Variants in TASP1 observed in about 807,000 individuals in gnomAD.
The protein encoded by TASP1 is taspase 1, also known as threonine aspartase 1.
Under a neutral mutation model 56.6 loss-of-function variants are expected in TASP1, and 16 were observed. The ratio of observed to expected loss-of-function variants is 0.28; its 90% confidence interval spans 0.19 to 0.43. The LOEUF is 0.43. Among genes scored for constraint, TASP1 ranks in the 20% least tolerant of loss-of-function variants. The pLI is 1.00. For missense variants in TASP1, 393 were observed against 511.6 expected, an observed-to-expected ratio of 0.77 and a Z score of 2.24; for synonymous variants, 179 against 184.2, an observed-to-expected ratio of 0.97 and a Z score of 0.23.
chr20:13,523,470 G>A (rs956103069), intron 10 of TASP1, among the ~76,000 whole-genome samples: 4 of 152,140 alleles, frequency 2.6e-5, no homozygotes, highest in Non-Finnish European at 2.9e-5. Flanking sequence ...CTCTGGGCAC[G>A]AGTTTTCTAA....
chr20:13,190,268 G>A, the TASP1 span, among the ~76,000 whole-genome samples: 9 of 152,072 alleles, frequency 5.9e-5, no homozygotes, highest in African/African-American at 2.2e-4. Flanking sequence ...ACCTGCATGT[G>A]TATCCCTTGC....
the TASP1 span, chr20:13,165,056 T>C: frequency 1.9e-6 from 1 of 540,538 alleles, no homozygotes; most frequent in Non-Finnish European, 3.3e-6. Flanking sequence ...AAAAACATGA[T>C]TCCAGATTTA....
chr20:13,107,672 T>C, the TASP1 span, among the ~76,000 whole-genome samples: 1 of 152,102 alleles, frequency 6.6e-6, no homozygotes, highest in South Asian at 2.1e-4. Context: ...CTTTCACGGG[T>C]CCTTACGATC....
At chr20:13,630,645 C>T (rs1320088170) in intron 1 of TASP1, among the ~76,000 whole-genome samples, 3 of 140,846 alleles carry the variant, frequency 2.1e-5, no homozygotes, top group Non-Finnish European at 4.5e-5. Context: ...GCCGAGATCG[C>T]ACCACTACAC....
downstream of TASP1, among the ~76,000 whole-genome samples, chr20:13,384,651 T>A (rs1057452675): frequency 6.6e-6 from 1 of 152,154 alleles, no homozygotes; most frequent in East Asian, 1.9e-4. Flanking sequence ...AGAACAAATA[T>A]TAATGTGATA....
chr20:13,511,896 G>A lies in TASP1; in HGVS notation c.874+16537C>T, dbSNP rs180958492. On this transcript the variant is annotated intron_variant, in intron 10 of 13. Transcript: ENST00000337743. ...TTGCGATAGTTTGCTGAGAATGATG[G>A]TTTCCAGCTTCATCCATGTCCCTAC... is the stretch of plus-strand genomic sequence containing the variant. Among the ~76,000 whole-genome samples, 53 of 151,880 alleles carry A rather than the reference G, an allele frequency of 3.5e-4. No homozygotes were observed. The East Asian group carries it at 6.6e-3, about 19-fold the overall frequency.
the TASP1 span, among the ~76,000 whole-genome samples, chr20:13,199,776 G>A: frequency 4.8e-3 from 727 of 152,314 alleles, 7 homozygotes; most frequent in African/African-American, 0.015. Flanking sequence ...TTCAAGAAGC[G>A]GCCAGGATGG....
chr20:13,142,701 C>T, the TASP1 span, among the ~76,000 whole-genome samples: 1 of 152,186 alleles, frequency 6.6e-6, no homozygotes, highest in African/African-American at 2.4e-5. Flanking sequence ...TCAGCAGCTG[C>T]TGTTTTATCT....
chr20:13,439,456 T>C (rs539225010), intron 11 of TASP1, among the ~76,000 whole-genome samples: 60 of 151,718 alleles, frequency 4.0e-4, no homozygotes, highest in African/African-American at 1.4e-3. Flanking sequence ...AATTGAACAA[T>C]GAGAACACAT....
At chr20:13,268,684 G>A in the TASP1 span, among the ~76,000 whole-genome samples, 2 of 152,254 alleles carry the variant, frequency 1.3e-5, no homozygotes, top group African/African-American at 2.4e-5. Flanking sequence ...TGGCTTCTTC[G>A]AACATTCAGA....
chr20:13,533,369 A>G (rs1032539985), intron 9 of TASP1, among the ~76,000 whole-genome samples: 4 of 152,330 alleles, frequency 2.6e-5, no homozygotes, highest in East Asian at 1.9e-4. Flanking sequence ...TAGATCAAAT[A>G]GATTGTTAAA....
the TASP1 span, among the ~76,000 whole-genome samples, chr20:13,382,871 A>G: frequency 6.6e-6 from 1 of 152,234 alleles, no homozygotes; most frequent in Non-Finnish European, 1.5e-5. Flanking sequence ...ACAGAAAAAT[A>G]AAGCAAAAAA....
At chr20:13,191,691 C>CAGTT in the TASP1 span, among the ~76,000 whole-genome samples, 1 of 152,074 alleles carries the variant, frequency 6.6e-6, no homozygotes, top group Non-Finnish European at 1.5e-5. Context: ...TAGGTGACTA[C>CAGTT]AGTTAACAAC....
In TASP1 at chr20:13,542,139, T is replaced by C. The variant is rs142261804; in HGVS notation, c.676-7998A>G. Among the ~76,000 whole-genome samples the C allele has an allele frequency of 3.9e-5, 6 of 151,990 alleles. No individual in the cohort carries two copies. In the East Asian group the frequency reaches 7.7e-4, roughly 20 times the overall value. On this transcript the variant is annotated intron_variant, in intron 8 of 13. Coordinates refer to ENST00000337743, the MANE Select transcript of TASP1 (RefSeq NM_017714.3). ...CTGGCTAGATGTTATTTATGAGAGA[T>C]AAGCCTAAAGCATAAGTATATGGAA...
At chr20:13,547,836 T>C (rs960852016) in intron 8 of TASP1, among the ~76,000 whole-genome samples, 1 of 152,186 alleles carries the variant, frequency 6.6e-6, no homozygotes, top group East Asian at 1.9e-4. Context: ...TAAATGTTTA[T>C]TGAGCATTTA....
chr20:13,541,025 A>G (rs557571695), intron 8 of TASP1, among the ~76,000 whole-genome samples: 53 of 152,326 alleles, frequency 3.5e-4, no homozygotes, highest in African/African-American at 1.3e-3. Flanking sequence ...ATAAGAAAAA[A>G]GGGAAAACCT....
chr20:13,392,645 G>C (rs769852511), intron 13 of TASP1: 1 of 417,956 alleles, frequency 2.4e-6, no homozygotes, highest in African/African-American at 2.1e-5. Flanking sequence ...AGAGACAGCC[G>C]CATCTTCTCA....
chr20:13,514,518 G>A (rs906296174), intron 10 of TASP1, among the ~76,000 whole-genome samples: 7 of 152,072 alleles, frequency 4.6e-5, no homozygotes, highest in Non-Finnish European at 7.4e-5. Flanking sequence ...TGCTCCCTCC[G>A]TTAGGATTCA....
chr20:13,501,359 T>G (rs6042179), intron 10 of TASP1, among the ~76,000 whole-genome samples: 33,834 of 151,914 alleles, frequency 0.22, 3,886 homozygotes, highest in Middle Eastern at 0.29. Context: ...ATGTGTAAAT[T>G]TTTTAAAAGA....
Sources: gnomAD v4.1 joint callset for allele counts (sites outside exome capture counted in the v4.1 genomes callset) on GRCh38, gnomAD v4.1.1 for gene constraint, MANE v1.5 for transcripts, NCBI Gene and HGNC (gene_info 2026-07-23, HGNC 2026-07-21) for gene names.